Variants in ATRNL1 observed in about 807,000 individuals in gnomAD.
ATRNL1 encodes the protein attractin like 1, also known as attractin-like protein 1.
ATRNL1 carries 95 observed loss-of-function variants against 182.7 expected under a neutral mutation model. That is an observed-to-expected ratio of 0.52 (90% CI 0.44 to 0.62). ATRNL1 has a LOEUF of 0.62. ATRNL1 is among the 20% of genes least tolerant of loss of function. The pLI is 0.00. For synonymous variants in ATRNL1, 576 were observed against 568.3 expected, an observed-to-expected ratio of 1.01 and a Z score of -0.19; for missense variants, 1,471 against 1,679.5, an observed-to-expected ratio of 0.88 and a Z score of 2.17.
At chr10:115,591,569 C>T (rs531749286) in intron 26 of ATRNL1, among the ~76,000 whole-genome samples, 1 of 152,294 alleles carries the variant, frequency 6.6e-6, no homozygotes, top group South Asian at 2.1e-4. Flanking sequence ...TCATTTTTAA[C>T]CCATGTTACT....
intron 27 of ATRNL1, among the ~76,000 whole-genome samples, chr10:115,809,619 A>T (rs1248492773): frequency 1.3e-5 from 2 of 151,816 alleles, no homozygotes; most frequent in Non-Finnish European, 2.9e-5. Flanking sequence ...ACTGAAATGC[A>T]ATTAATTTTT....
chr10:115,265,320 C>T (rs1167093961), intron 11 of ATRNL1, 43 bp downstream of exon 11: 16 of 1,212,498 alleles, frequency 1.3e-5, no homozygotes, highest in Non-Finnish European at 1.9e-5. Flanking sequence ...TCACTTATAT[C>T]AGTCATACTA....
At chr10:115,399,232 A>C (rs1276887014) in intron 20 of ATRNL1, among the ~76,000 whole-genome samples, 1 of 151,946 alleles carries the variant, frequency 6.6e-6, no homozygotes, top group African/African-American at 2.4e-5. Flanking sequence ...TGAGTTAGGG[A>C]GGAGTCCCTT....
At chr10:115,273,268 G>A (rs1554913821) in intron 13 of ATRNL1, among the ~76,000 whole-genome samples, 2 of 152,156 alleles carry the variant, frequency 1.3e-5, no homozygotes, top group African/African-American at 4.8e-5. Context: ...TGACACAGGT[G>A]GCTAGGGAAG....
chr10:115,483,718 G>A (rs1166644811), intron 24 of ATRNL1, among the ~76,000 whole-genome samples: 2 of 151,532 alleles, frequency 1.3e-5, no homozygotes, highest in Non-Finnish European at 3.0e-5. Flanking sequence ...GTACTTTAAA[G>A]TTAATGCAAA....
intron 20 of ATRNL1, among the ~76,000 whole-genome samples, chr10:115,395,863 G>C (rs1192263322): frequency 6.7e-6 from 1 of 149,854 alleles, no homozygotes; most frequent in Non-Finnish European, 1.5e-5. Context: ...AATTTTTATG[G>C]TTTTGAATTA....
At chr10:115,301,545 T>C (rs1554924474) in intron 16 of ATRNL1, among the ~76,000 whole-genome samples, 2 of 152,188 alleles carry the variant, frequency 1.3e-5, no homozygotes, top group Non-Finnish European at 1.5e-5. Flanking sequence ...AAATTGTGGC[T>C]GGGAAAATAA....
intron 10 of ATRNL1, among the ~76,000 whole-genome samples, chr10:115,251,488 A>G (rs992980162): frequency 3.9e-5 from 6 of 151,986 alleles, no homozygotes; most frequent in Middle Eastern, 3.4e-3. Context: ...CTGTTTTCCT[A>G]TTGTCTCCCA....
chr10:115,565,355 A>G (rs1854013354), intron 26 of ATRNL1, among the ~76,000 whole-genome samples: 1 of 151,964 alleles, frequency 6.6e-6, no homozygotes, highest in Non-Finnish European at 1.5e-5. Flanking sequence ...AAAATAATAA[A>G]AAAAGGCTTC....
intron 26 of ATRNL1, among the ~76,000 whole-genome samples, chr10:115,570,000 G>T: frequency 6.6e-6 from 1 of 152,084 alleles, no homozygotes; most frequent in East Asian, 1.9e-4. Context: ...GAGCTAGCTA[G>T]CTTTCTGCTG....
chr10:115,532,337 TC>T (rs1554988572), intron 25 of ATRNL1, among the ~76,000 whole-genome samples: 1 of 152,138 alleles, frequency 6.6e-6, no homozygotes, highest in East Asian at 1.9e-4. Flanking sequence ...CTTGAAGAGG[TC>T]CTTCACATCC....
At chr10:115,392,737 A>G (rs1161716810) in intron 19 of ATRNL1, among the ~76,000 whole-genome samples, 3 of 152,092 alleles carry the variant, frequency 2.0e-5, no homozygotes, top group South Asian at 2.1e-4. Flanking sequence ...TCTAGATGCA[A>G]TTCTCGTGAT....
In ATRNL1 at chr10:115,093,675, C is replaced by A; in HGVS notation, c.-76C>A. 1 of 1,417,212 alleles carries A rather than the reference C, an allele frequency of 7.1e-7. No homozygotes were observed. Among genetic ancestry groups the A allele is most frequent in the Non-Finnish European group, 9.4e-7 (1 of 1,061,582 alleles). The allele number at this position is 1,417,212 out of a possible 1,614,324, so 87.8% of individuals were successfully genotyped here. A position where few individuals can be genotyped will look rare whatever the true frequency, so the allele number is the denominator to read the frequency against. On this transcript the variant is annotated 5_prime_UTR_variant, in exon 1 of 29. Transcript: ENST00000355044. This position sits in a 1 kb window ranked among gnomAD's most constrained non-coding sequence, Gnocchi z 6.1. ...GAAGCGGCGGCGGAGAGGTTTTCTG[C>A]GGCCGGAATTCCCTTCAACAGCATC...
At chr10:115,424,107 A>G in intron 20 of ATRNL1, among the ~76,000 whole-genome samples, 1 of 152,208 alleles carries the variant, frequency 6.6e-6, no homozygotes, top group Non-Finnish European at 1.5e-5. Context: ...AGTAGTAAAG[A>G]GTGGACAAAA....
intron 26 of ATRNL1, among the ~76,000 whole-genome samples, chr10:115,663,863 G>A (rs1184081543): frequency 6.6e-6 from 1 of 151,584 alleles, no homozygotes; most frequent in Non-Finnish European, 1.5e-5. Context: ...TAGCACAGTG[G>A]CCCCATGAAT....
intron 19 of ATRNL1, among the ~76,000 whole-genome samples, chr10:115,384,607 A>G (rs1554952134): frequency 1.3e-5 from 2 of 151,968 alleles, no homozygotes; most frequent in Non-Finnish European, 2.9e-5. Flanking sequence ...CTTAAATTTG[A>G]ATTTCATGAA....
At chr10:115,259,762 ATT>A (rs1220224397) in intron 10 of ATRNL1, among the ~76,000 whole-genome samples, 1 of 151,478 alleles carries the variant, frequency 6.6e-6, no homozygotes, top group Non-Finnish European at 1.5e-5. Flanking sequence ...GCCTCTCCAG[ATT>A]TTTTTTTGTC....
intron 24 of ATRNL1, among the ~76,000 whole-genome samples, chr10:115,510,416 C>T (rs1199171380): frequency 6.6e-6 from 1 of 151,988 alleles, no homozygotes; most frequent in Non-Finnish European, 1.5e-5. Context: ...ATCACTCCAA[C>T]CCTCAGGAAC....
At position 115,450,385 on chromosome 10, in the gene ATRNL1, A is replaced by G. The variant is rs546949476; in HGVS notation, c.3323-11556A>G. Among the ~76,000 whole-genome samples, 5 of 152,312 alleles carry G rather than the reference A, an allele frequency of 3.3e-5. No homozygotes were observed. In the South Asian group the frequency reaches 8.3e-4, roughly 25 times the overall value. On this transcript the variant is annotated intron_variant, in intron 21 of 28. Coordinates refer to ENST00000355044, the MANE Select transcript of ATRNL1 (RefSeq NM_207303.4). ...CATGATCCTATATGTAGAAAATCCT[A>G]TAGTCTGAGTCCAAAGGCTCCTTCA...
Sources: gnomAD v4.1 joint callset for allele counts (sites outside exome capture counted in the v4.1 genomes callset) on GRCh38, gnomAD v4.1.1 for gene constraint, Gnocchi (gnomAD v3.1) non-coding constraint, MANE v1.5 for transcripts, NCBI Gene and HGNC (gene_info 2026-07-23, HGNC 2026-07-21) for gene names.